The following SYNPR variants were observed in gnomAD, a reference collection of about 807,000 sequenced individuals.
The protein encoded by SYNPR is synaptoporin.
In SYNPR, 23 loss-of-function variants were observed where a neutral mutation model predicts 32.9. The ratio of observed to expected loss-of-function variants is 0.70; its 90% CI spans 0.50 to 0.99. SYNPR has a LOEUF of 0.99. Ranked by LOEUF, SYNPR falls within the 50% of genes least tolerant of loss-of-function variation. The probability of loss-of-function intolerance (pLI) is 0.00; values close to 1 mark genes in which losing one functional copy is unlikely to be tolerated. For missense variants in SYNPR, 318 were observed against 349.3 expected (o/e 0.91, Z 0.71); for synonymous variants, 146 against 135.9 (o/e 1.07, Z -0.52).
chr3:63,375,081 G>A (rs1325236957), intron 2 of SYNPR, among the ~76,000 whole-genome samples: 1 of 152,168 alleles, frequency 6.6e-6, no homozygotes, highest in Non-Finnish European at 1.5e-5. Context: ...ACAGATGCTG[G>A]AGAGGATGCA....
intron 2 of SYNPR, among the ~76,000 whole-genome samples, chr3:63,322,068 C>T (rs1403007642): frequency 6.6e-6 from 1 of 151,996 alleles, no homozygotes; most frequent in Non-Finnish European, 1.5e-5. Context: ...TGAGGAGAAA[C>T]AGCCTCTTGA....
chr3:63,518,247 T>C (rs528149567), intron 3 of SYNPR, among the ~76,000 whole-genome samples: 2 of 152,242 alleles, frequency 1.3e-5, no homozygotes, highest in South Asian at 2.1e-4. Context: ...TTAGGAGACA[T>C]GCCTTCACCC....
chr3:63,556,622 T>C lies in SYNPR; in HGVS notation c.289T>C (p.Ser97Pro). Residue 97 changes from serine (S) to proline (P), a missense_variant, in exon 4 of 6, where the codon TCT becomes CCT. By Grantham distance (74) the Ser-to-Pro change is moderately conservative. Coordinates refer to ENST00000478300, the MANE Select transcript of SYNPR (RefSeq NM_001130003.2). The stretch of plus-strand genomic sequence containing the variant: ...GCTGGCATTGATTGGTGACTCCTCG[T>C]CTTCAGCAGAGTTCTTCGTCACTGT... The part of the protein sequence containing the change: ...QKLALIGDSS[S>P]SAEFFVTVAV... 6.2e-7 allele frequency: 1 copy of C among 1,613,906 alleles called. No homozygotes were observed. The highest frequency in any genetic ancestry group is 1.1e-5 in the South Asian group (1 of 91,062).
chr3:63,491,769 C>T (rs1701262108), intron 3 of SYNPR, among the ~76,000 whole-genome samples: 1 of 152,128 alleles, frequency 6.6e-6, no homozygotes, highest in Non-Finnish European at 1.5e-5. Context: ...GATCTGCCTC[C>T]CTCGGCCTCC....
rs185399368 is a variant in SYNPR at position 63,388,529 on chromosome 3, A to G, written c.85-92303A>G. On this transcript the variant is annotated intron_variant, in intron 2 of 5. Transcript: ENST00000478300. ...AAGCCTCCTGAGTAGCTGGGATTAC[A>G]GGCGCACACCACCACACCCGGCTAA... Among the ~76,000 whole-genome samples, 287 of 149,712 alleles carry G rather than the reference A, an allele frequency of 1.9e-3. 5 individuals are homozygous for G. In the East Asian group the frequency reaches 0.046, roughly 24 times the overall value.
intron 2 of SYNPR, among the ~76,000 whole-genome samples, chr3:63,396,074 T>C (rs1238644260): frequency 6.6e-6 from 1 of 152,202 alleles, no homozygotes; most frequent in Non-Finnish European, 1.5e-5. Context: ...GGTTGAACTC[T>C]TGACCAGACA....
intron 2 of SYNPR, among the ~76,000 whole-genome samples, chr3:63,408,914 A>G (rs1477432072): frequency 6.6e-6 from 1 of 152,116 alleles, no homozygotes; most frequent in East Asian, 1.9e-4. Context: ...GTGTTTTCAC[A>G]GTCTCCAAGC....
intron 2 of SYNPR, among the ~76,000 whole-genome samples, chr3:63,255,774 G>T (rs779496332): frequency 6.6e-5 from 10 of 151,924 alleles, no homozygotes; most frequent in Non-Finnish European, 1.3e-4. Context: ...GCAGTGCACC[G>T]AGTGTGAGCA....
chr3:63,330,250 T>C (rs1473309821), intron 2 of SYNPR: 1 of 152,174 alleles, frequency 6.6e-6, no homozygotes, highest in Non-Finnish European at 1.5e-5. Context: ...TGCATTCTTC[T>C]GGAATACATG....
At chr3:63,306,787 A>G (rs547956950) in intron 2 of SYNPR, among the ~76,000 whole-genome samples, 1 of 152,014 alleles carries the variant, frequency 6.6e-6, no homozygotes, top group Non-Finnish European at 1.5e-5. Flanking sequence ...GTTAATCATC[A>G]GTTTGACATC....
chr3:63,444,876 A>G (rs918706021), intron 2 of SYNPR, among the ~76,000 whole-genome samples: 1 of 152,066 alleles, frequency 6.6e-6, no homozygotes, highest in African/African-American at 2.4e-5. Flanking sequence ...ACTGGTCCCA[A>G]TAAGCATGTG....
intron 2 of SYNPR, among the ~76,000 whole-genome samples, chr3:63,416,839 A>G (rs1479772031): frequency 6.6e-6 from 1 of 152,108 alleles, no homozygotes; most frequent in African/African-American, 2.4e-5. Context: ...CAGCACAGGA[A>G]AAACCTGCCC....
chr3:63,312,071 G>C (rs1173076270), intron 2 of SYNPR, among the ~76,000 whole-genome samples: 2 of 151,900 alleles, frequency 1.3e-5, no homozygotes, highest in East Asian at 3.9e-4. Context: ...TTAGCAATAT[G>C]ACAAATTCTA....
chr3:63,265,101 C>T (rs2086473061), intron 2 of SYNPR, among the ~76,000 whole-genome samples: 1 of 152,170 alleles, frequency 6.6e-6, no homozygotes, highest in East Asian at 1.9e-4. Context: ...AATTCTGTAG[C>T]GTGCAGGCAC....
intron 2 of SYNPR, among the ~76,000 whole-genome samples, chr3:63,413,102 G>T (rs2088489780): frequency 3.3e-5 from 5 of 151,972 alleles, no homozygotes; most frequent in Admixed American, 1.3e-4. Flanking sequence ...TTCTTTTTAT[G>T]GTTAAATTAG....
chr3:63,513,105 A>C (rs538225587), intron 3 of SYNPR, among the ~76,000 whole-genome samples: 67 of 143,108 alleles, frequency 4.7e-4, no homozygotes, highest in African/African-American at 1.6e-3. Context: ...AAATACACCA[A>C]AGAAAAAGAT....
At chr3:63,292,803 A>G (rs1014834839) in intron 2 of SYNPR, among the ~76,000 whole-genome samples, 3 of 152,234 alleles carry the variant, frequency 2.0e-5, no homozygotes, top group African/African-American at 7.2e-5. Context: ...ACACATGCAC[A>G]TGCACACATA....
intron 2 of SYNPR, among the ~76,000 whole-genome samples, chr3:63,370,814 C>A (rs1355019016): frequency 6.6e-6 from 1 of 152,062 alleles, no homozygotes; most frequent in Non-Finnish European, 1.5e-5. Flanking sequence ...TAGGTGAGAA[C>A]CTTGTAAAAA....
chr3:63,487,807 G>A (rs1337309265), intron 3 of SYNPR, among the ~76,000 whole-genome samples: 1 of 152,204 alleles, frequency 6.6e-6, no homozygotes, highest in East Asian at 1.9e-4. Context: ...TCCTTGGGAG[G>A]TTGGCATCGG....
Sources: allele counts gnomAD v4.1 joint callset (sites outside exome capture counted in the v4.1 genomes callset), GRCh38; gene constraint gnomAD v4.1.1; transcripts MANE v1.5; gene names NCBI Gene and HGNC (gene_info 2026-07-23, HGNC 2026-07-21).